PKIB: variants seen among roughly 807,000 people sequenced by gnomAD.
The protein encoded by PKIB is cAMP-dependent protein kinase inhibitor beta.
Under a neutral mutation model 4.5 loss-of-function variants are expected in PKIB, and 2 were observed. The observed-to-expected ratio is 0.44, with a 90% CI of 0.18 to 1.39. PKIB has a LOEUF of 1.39. Ranked by LOEUF, PKIB falls within the 40% of genes most tolerant of loss-of-function variation. PKIB has a pLI of 0.27. For missense variants in PKIB, 94 were observed against 92.6 expected, an observed-to-expected ratio of 1.02 and a Z score of -0.06; for synonymous variants, 38 against 36.0, an observed-to-expected ratio of 1.06 and a Z score of -0.20.
intron 2 of PKIB, among the ~76,000 whole-genome samples, chr6:122,536,079 A>G (rs1777398796): frequency 6.6e-6 from 1 of 152,134 alleles, no homozygotes; most frequent in South Asian, 2.1e-4. Flanking sequence ...AGCTGGGATT[A>G]CAAGCATGTG....
chr6:122,606,119 G>T (rs1231682934), upstream of PKIB, among the ~76,000 whole-genome samples: 2 of 152,180 alleles, frequency 1.3e-5, no homozygotes, highest in African/African-American at 4.8e-5. Context: ...TGGATGAACT[G>T]GGTGGATGCA....
At chr6:122,701,800 G>A (rs1327515903) in intron 3 of PKIB, among the ~76,000 whole-genome samples, 5 of 152,140 alleles carry the variant, frequency 3.3e-5, no homozygotes, top group Non-Finnish European at 7.3e-5. Context: ...GAGATGCCTA[G>A]ACAACCAACA....
At chr6:122,662,011 A>G (rs556351086) in intron 2 of PKIB, among the ~76,000 whole-genome samples, 1 of 152,058 alleles carries the variant, frequency 6.6e-6, no homozygotes, top group Non-Finnish European at 1.5e-5. Flanking sequence ...AGAAATGTCT[A>G]TTCATGTTCA....
intron 3 of PKIB, among the ~76,000 whole-genome samples, chr6:122,599,988 T>C (rs1361662156): frequency 1.4e-5 from 2 of 140,238 alleles, no homozygotes; most frequent in Non-Finnish European, 3.0e-5. Context: ...TCTATATCTA[T>C]ATCTATATCT....
intron 2 of PKIB, among the ~76,000 whole-genome samples, chr6:122,503,316 G>T (rs545188899): frequency 4.6e-5 from 7 of 152,286 alleles, no homozygotes; most frequent in African/African-American, 1.7e-4. Context: ...AGATGAAGTA[G>T]AAATTATGCC....
intron 1 of PKIB, among the ~76,000 whole-genome samples, chr6:122,474,896 G>A (rs1421249003): frequency 1.3e-5 from 2 of 152,176 alleles, no homozygotes; most frequent in Non-Finnish European, 2.9e-5. Context: ...CCTAGCCATA[G>A]TAAAAATTTC....
intron 3 of PKIB, among the ~76,000 whole-genome samples, chr6:122,696,759 C>A (rs1283827215): frequency 6.6e-6 from 1 of 152,212 alleles, no homozygotes; most frequent in Non-Finnish European, 1.5e-5. Context: ...ATACCTGAGA[C>A]AATAGCAGTG....
intron 2 of PKIB, among the ~76,000 whole-genome samples, chr6:122,499,435 A>T (rs961587193): frequency 6.6e-6 from 1 of 152,236 alleles, no homozygotes; most frequent in Non-Finnish European, 1.5e-5. Context: ...GATTTGCCAC[A>T]TAAACAGAAT....
chr6:122,519,561 A>G (rs1460297881), intron 2 of PKIB, among the ~76,000 whole-genome samples: 1 of 152,184 alleles, frequency 6.6e-6, no homozygotes, highest in Non-Finnish European at 1.5e-5. Context: ...AGCAAGCTGT[A>G]ATGAATTAAT....
intron 2 of PKIB, among the ~76,000 whole-genome samples, chr6:122,634,296 G>C (rs916216346): frequency 6.6e-6 from 1 of 151,890 alleles, no homozygotes; most frequent in Non-Finnish European, 1.5e-5. Flanking sequence ...ACCATGGCAC[G>C]TGTATACCTA....
chr6:122,722,728 T>G (rs1269019329), intron 4 of PKIB, among the ~76,000 whole-genome samples: 2 of 152,230 alleles, frequency 1.3e-5, no homozygotes, highest in Non-Finnish European at 2.9e-5. Flanking sequence ...ATTATGATTG[T>G]TAGGGTGCAA....
At chr6:122,585,883 A>G (rs1773833776) in intron 2 of PKIB, 2 of 152,158 alleles carry the variant, frequency 1.3e-5, no homozygotes, top group Non-Finnish European at 2.9e-5. Flanking sequence ...CCTTTGTAAA[A>G]TGTATGTATA....
chr6:122,576,668 C>CAAAAA (rs71867898), intron 2 of PKIB, among the ~76,000 whole-genome samples: 8 of 12,018 alleles, frequency 6.7e-4, no homozygotes, highest in Middle Eastern at 0.12. Flanking sequence ...GACTCCATCT[C>CAAAAA]AAAAAAAAAA....
At chr6:122,615,576 C>A (rs922149832) in intron 1 of PKIB, among the ~76,000 whole-genome samples, 4 of 152,148 alleles carry the variant, frequency 2.6e-5, no homozygotes, top group African/African-American at 9.7e-5. Flanking sequence ...AAATTCACGT[C>A]CTTCCTAGAA....
At chr6:122,544,276 A>G (rs1772415056) in intron 2 of PKIB, among the ~76,000 whole-genome samples, 1 of 151,978 alleles carries the variant, frequency 6.6e-6, no homozygotes, top group Non-Finnish European at 1.5e-5. Flanking sequence ...AACTTACACA[A>G]ACTTTTGTAT....
At chr6:122,582,636 A>G (rs527474186) in intron 2 of PKIB, among the ~76,000 whole-genome samples, 1 of 152,196 alleles carries the variant, frequency 6.6e-6, no homozygotes, top group South Asian at 2.1e-4. Flanking sequence ...CTATGTTCTT[A>G]TAACAGAAGC....
intron 3 of PKIB, among the ~76,000 whole-genome samples, chr6:122,588,449 A>G (rs1437701219): frequency 4.6e-5 from 7 of 152,160 alleles, no homozygotes; most frequent in Non-Finnish European, 8.8e-5. Flanking sequence ...TATGGAACCA[A>G]TAAAGAGCCT....
intron 2 of PKIB, among the ~76,000 whole-genome samples, chr6:122,519,198 C>T (rs1473630947): frequency 6.6e-6 from 1 of 152,034 alleles, no homozygotes; most frequent in Non-Finnish European, 1.5e-5. Flanking sequence ...GGACAGTGAA[C>T]ATTGTGAACT....
intron 2 of PKIB, among the ~76,000 whole-genome samples, chr6:122,524,314 TTTCCTCTTCCTCCTCCTCCTTCTTCTTC>T (rs964677598): frequency 6.8e-6 from 1 of 147,544 alleles, no homozygotes; most frequent in African/African-American, 2.5e-5. Context: ...TTCTTTTTCT[TTTCCTCTTCCTCCTCCTCCTTCTTCTTC>T]TTCCTCCTCC....
Sources: gnomAD v4.1 joint callset for allele counts (sites outside exome capture counted in the v4.1 genomes callset) on GRCh38, gnomAD v4.1.1 for gene constraint, MANE v1.5 for transcripts, NCBI Gene and HGNC (gene_info 2026-07-23, HGNC 2026-07-21) for gene names.